CRPPA: variants seen among roughly 807,000 people sequenced by gnomAD.
The protein encoded by CRPPA is CDP-L-ribitol pyrophosphorylase A, also known as D-ribitol-5-phosphate cytidylyltransferase.
CRPPA carries 43 observed loss-of-function variants against 52.0 expected under a neutral mutation model. That is an observed-to-expected ratio of 0.83 (90% CI 0.65 to 1.07). The LOEUF (loss-of-function observed/expected upper bound fraction) is 1.07. Among genes scored for constraint, CRPPA ranks in the 50% least tolerant of loss-of-function variants. The pLI is 0.00. For synonymous variants in CRPPA, 250 were observed against 203.5 expected (o/e 1.23, Z -1.94); for missense variants, 629 against 551.7 (o/e 1.14, Z -1.40).
At position 16,087,821 on chromosome 7, in the gene CRPPA, G is replaced by T. The variant is rs1781728360; in HGVS notation, c.*3874C>A. The T allele has an allele frequency of 6.6e-6, 1 of 152,010 alleles. No homozygotes were observed. Among genetic ancestry groups the T allele is most frequent in the Admixed American group, 6.6e-5 (1 of 15,256 alleles). The allele number at this position is 152,010 out of a possible 1,614,324, so 9.4% of individuals were successfully genotyped here. On this transcript the variant is annotated 3_prime_UTR_variant, in exon 10 of 10. Transcript: ENST00000407010. ...AACTTCTATCTTTCTTCTTGCATATGGTTGACATTTTAATTAAGATGTTAG... is the reference window on the plus strand; with the variant it reads ...AACTTCTATCTTTCTTCTTGCATATTGTTGACATTTTAATTAAGATGTTAG...
At chr7:16,307,695 A>C (rs1396411232) in intron 4 of CRPPA, among the ~76,000 whole-genome samples, 1 of 150,904 alleles carries the variant, frequency 6.6e-6, no homozygotes. Context: ...AAAAAAAAAA[A>C]AAAAAGAAGC....
intron 8 of CRPPA, among the ~76,000 whole-genome samples, chr7:16,249,593 T>C (rs1243996242): frequency 1.3e-5 from 2 of 152,190 alleles, no homozygotes; most frequent in African/African-American, 2.4e-5. Context: ...AAACAAGGTC[T>C]GAAGTGGACT....
At chr7:16,138,337 C>T (rs999915564) in intron 9 of CRPPA, among the ~76,000 whole-genome samples, 1 of 152,134 alleles carries the variant, frequency 6.6e-6, no homozygotes, top group Non-Finnish European at 1.5e-5. Context: ...AAAGGTACTA[C>T]ATCTCAAAGT....
chr7:16,121,083 A>C (rs1207716206), intron 9 of CRPPA, among the ~76,000 whole-genome samples: 3 of 152,112 alleles, frequency 2.0e-5, no homozygotes, highest in African/African-American at 7.2e-5. Context: ...AAAAGGTAAT[A>C]AAATTTGAAT....
intron 9 of CRPPA, among the ~76,000 whole-genome samples, chr7:16,183,818 TC>T (rs1468678859): frequency 6.6e-6 from 1 of 152,184 alleles, no homozygotes; most frequent in Non-Finnish European, 1.5e-5. Context: ...TTTGGTCTTT[TC>T]CCTGAAAAGG....
chr7:16,193,515 C>A (rs1781659640), intron 9 of CRPPA, among the ~76,000 whole-genome samples: 1 of 152,068 alleles, frequency 6.6e-6, no homozygotes, highest in African/African-American at 2.4e-5. Context: ...TAGTGATACA[C>A]TCTTGCTCTC....
At chr7:16,238,727 T>C (rs1783018945) in intron 8 of CRPPA, among the ~76,000 whole-genome samples, 1 of 152,188 alleles carries the variant, frequency 6.6e-6, no homozygotes, top group African/African-American at 2.4e-5. Flanking sequence ...ATGTTTAACA[T>C]GACTGTTAAA....
chr7:16,305,617 CA>C (rs1219335409), intron 4 of CRPPA, among the ~76,000 whole-genome samples: 1 of 152,154 alleles, frequency 6.6e-6, no homozygotes, highest in East Asian at 1.9e-4. Context: ...CCTGTAATCC[CA>C]GCACTTTGGG....
At chr7:16,193,537 G>C (rs932825874) in intron 9 of CRPPA, among the ~76,000 whole-genome samples, 21 of 152,022 alleles carry the variant, frequency 1.4e-4, no homozygotes, top group African/African-American at 5.1e-4. Context: ...GTCTCCTGTA[G>C]TTTAAAAAAT....
At chr7:16,252,361 G>A (rs546608091) in intron 8 of CRPPA, among the ~76,000 whole-genome samples, 52 of 152,264 alleles carry the variant, frequency 3.4e-4, no homozygotes, top group African/African-American at 1.2e-3. Context: ...AGCCCTTCAT[G>A]CTAAAAACTC....
At chr7:16,372,651 G>A (rs1040949993) in intron 3 of CRPPA, among the ~76,000 whole-genome samples, 2 of 152,050 alleles carry the variant, frequency 1.3e-5, no homozygotes, top group Admixed American at 1.3e-4. Flanking sequence ...AAGGACCTAG[G>A]TAAGAGCTAA....
intron 3 of CRPPA, among the ~76,000 whole-genome samples, chr7:16,362,458 G>A (rs1786479875): frequency 6.6e-6 from 1 of 152,076 alleles, no homozygotes; most frequent in Non-Finnish European, 1.5e-5. Flanking sequence ...GAACCCTTGT[G>A]GCTTAATCAC....
intron 9 of CRPPA, among the ~76,000 whole-genome samples, chr7:16,154,522 C>A (rs1038045314): frequency 2.6e-5 from 4 of 152,100 alleles, no homozygotes; most frequent in Non-Finnish European, 5.9e-5. Flanking sequence ...ATCATATATA[C>A]TCCGAGTAAT....
At chr7:16,239,137 C>CATAAAAAAAA (rs1783032422) in intron 8 of CRPPA, among the ~76,000 whole-genome samples, 1 of 88,526 alleles carries the variant, frequency 1.1e-5, no homozygotes, top group African/African-American at 4.1e-5. Flanking sequence ...GACTCTGTCT[C>CATAAAAAAAA]AAAAAAAAAA....
intron 8 of CRPPA, among the ~76,000 whole-genome samples, chr7:16,229,580 T>A (rs568530741): frequency 6.6e-6 from 1 of 152,132 alleles, no homozygotes; most frequent in Non-Finnish European, 1.5e-5. Context: ...GTATTTTTCA[T>A]GTCACAATTT....
intron 9 of CRPPA, among the ~76,000 whole-genome samples, chr7:16,101,925 T>C (rs954113132): frequency 3.3e-5 from 5 of 152,258 alleles, no homozygotes; most frequent in South Asian, 2.1e-4. Context: ...CAAGCTACCA[T>C]TGAATTTTTT....
intron 2 of CRPPA, among the ~76,000 whole-genome samples, chr7:16,380,158 C>T (rs545713339): frequency 0.015 from 2,286 of 151,074 alleles, 62 homozygotes; most frequent in African/African-American, 0.052. Flanking sequence ...TTTTGAGATA[C>T]GTCCCATCAA....
intron 4 of CRPPA, 58 bp downstream of exon 4, chr7:16,308,465 C>T (rs925376519): frequency 4.4e-6 from 4 of 905,492 alleles, no homozygotes; most frequent in Non-Finnish European, 5.4e-6. Context: ...TAAATGTACA[C>T]ACACGCAAAC....
At chr7:16,142,714 T>C (rs539485821) in intron 9 of CRPPA, among the ~76,000 whole-genome samples, 2 of 152,306 alleles carry the variant, frequency 1.3e-5, no homozygotes, top group East Asian at 3.9e-4. Flanking sequence ...ATTCTCCCCA[T>C]GAGAATAATA....
Sources: allele counts gnomAD v4.1 joint callset (sites outside exome capture counted in the v4.1 genomes callset), GRCh38; gene constraint gnomAD v4.1.1; transcripts MANE v1.5; gene names NCBI Gene and HGNC (gene_info 2026-07-23, HGNC 2026-07-21).